The following ALCAM variants were observed in gnomAD, a reference collection of about 807,000 sequenced individuals.
The protein encoded by ALCAM is activated leukocyte cell adhesion molecule.
In ALCAM, 30 loss-of-function variants were observed where a neutral mutation model predicts 70.9. The ratio of observed to expected loss-of-function variants is 0.42; its 90% CI spans 0.32 to 0.57. ALCAM has a LOEUF of 0.57. Among genes scored for constraint, ALCAM ranks in the 20% least tolerant of loss-of-function variants. The probability of loss-of-function intolerance (pLI) is 0.11; values close to 1 mark genes in which losing one functional copy is unlikely to be tolerated. For synonymous variants in ALCAM, 249 were observed against 242.5 expected (o/e 1.03, Z -0.25); for missense variants, 591 against 695.1 (o/e 0.85, Z 1.68).
chr3:105,390,306 G>C (rs935251927), intron 1 of ALCAM, among the ~76,000 whole-genome samples: 1 of 152,062 alleles, frequency 6.6e-6, no homozygotes, highest in Non-Finnish European at 1.5e-5. Flanking sequence ...GGATGAAATG[G>C]TATCTCATTG....
At chr3:105,466,085 T>G (rs901975686) in intron 1 of ALCAM, among the ~76,000 whole-genome samples, 2 of 151,488 alleles carry the variant, frequency 1.3e-5, no homozygotes, top group African/African-American at 4.8e-5. Context: ...TTTTTAAAAT[T>G]TATTGTACCA....
chr3:105,515,797 A>AT (rs1446588519), intron 1 of ALCAM, among the ~76,000 whole-genome samples: 2 of 152,096 alleles, frequency 1.3e-5, no homozygotes, highest in African/African-American at 2.4e-5. Flanking sequence ...ATCCTAATTC[A>AT]TTAGTGAAAC....
chr3:105,572,125 A>G (rs1456369339), intron 15 of ALCAM, among the ~76,000 whole-genome samples, 161 bp downstream of exon 15: 1 of 152,150 alleles, frequency 6.6e-6, no homozygotes, highest in Non-Finnish European at 1.5e-5. Flanking sequence ...TCTCAGATAC[A>G]TGTGCAGAAC....
intron 1 of ALCAM, among the ~76,000 whole-genome samples, chr3:105,448,509 A>G (rs778387213): frequency 2.6e-5 from 4 of 152,040 alleles, no homozygotes; most frequent in Non-Finnish European, 4.4e-5. Context: ...ATTCCAACCT[A>G]GAGCAATGAG....
intron 14 of ALCAM, 81 bp from the exon 15 acceptor site, chr3:105,571,771 A>T: frequency 9.1e-7 from 1 of 1,101,472 alleles, no homozygotes; most frequent in Non-Finnish European, 1.3e-6. Flanking sequence ...TCAAAGACAC[A>T]TTAATTCAAA....
chr3:105,412,175 T>G (rs1187428705), intron 1 of ALCAM, among the ~76,000 whole-genome samples: 2 of 152,098 alleles, frequency 1.3e-5, no homozygotes, highest in Non-Finnish European at 2.9e-5. Flanking sequence ...ATAAAGTAAT[T>G]CTTAAATGTT....
rs546509535 is a variant in ALCAM, at chr3:105,474,662, C to T, written c.74-45405C>T. 3.3e-5 allele frequency among the ~76,000 whole-genome samples: 5 copies of T among 151,620 alleles called. No homozygotes were observed. In the South Asian group the frequency reaches 1.0e-3, roughly 32 times the overall value. ...TTTATTATCATTTTACATTCAAGGG[C>T]AATCTCTTTTTTTTACGTATGAAAG... On this transcript the variant is annotated intron_variant, in intron 1 of 15. Coordinates refer to ENST00000306107, the MANE Select transcript of ALCAM (RefSeq NM_001627.4).
intron 1 of ALCAM, among the ~76,000 whole-genome samples, chr3:105,453,184 T>G (rs1189437947): frequency 6.6e-6 from 1 of 152,226 alleles, no homozygotes; most frequent in African/African-American, 2.4e-5. Context: ...TAGGTTTTCT[T>G]CCAGGGTTAT....
chr3:105,450,878 A>G (rs1438314546), intron 1 of ALCAM, among the ~76,000 whole-genome samples: 1 of 152,168 alleles, frequency 6.6e-6, no homozygotes, highest in East Asian at 1.9e-4. Context: ...AGGTCAAGGT[A>G]TATTTGGAGA....
Position 105,381,284 on chromosome 3 carries a change from A to G in ALCAM, c.73+13803A>G, listed in dbSNP as rs986738335. On this transcript the variant is annotated intron_variant, in intron 1 of 15. Transcript: ENST00000306107. ...ACGATTATACACCCAACTGATTCACATAGATATTATACATAAAGAAGAGAG... is the reference window on the plus strand; with the variant it reads ...ACGATTATACACCCAACTGATTCACGTAGATATTATACATAAAGAAGAGAG... Among the ~76,000 whole-genome samples the G allele has an allele frequency of 9.9e-5, 15 of 152,116 alleles. 1 individual carries two copies. The highest frequency in any genetic ancestry group is 3.9e-4 in the East Asian group (2 of 5,164).
chr3:105,556,171 C>T (rs1157155968), intron 14 of ALCAM, among the ~76,000 whole-genome samples: 2 of 151,860 alleles, frequency 1.3e-5, no homozygotes, highest in South Asian at 2.1e-4. Context: ...TTGCATATCT[C>T]ATAGTACAAG....
intron 1 of ALCAM, among the ~76,000 whole-genome samples, chr3:105,433,703 AC>A (rs1446572175): frequency 1.3e-5 from 2 of 148,806 alleles, no homozygotes; most frequent in Non-Finnish European, 3.0e-5. Flanking sequence ...ATCCCCCAAA[AC>A]ATCACTTATT....
At chr3:105,424,690 AC>A (rs1362078684) in intron 1 of ALCAM, among the ~76,000 whole-genome samples, 12 of 151,844 alleles carry the variant, frequency 7.9e-5, no homozygotes, top group Non-Finnish European at 1.5e-4. Flanking sequence ...TTGGAAGGGG[AC>A]AAGATTAGCA....
At chr3:105,536,170 T>A (rs555913093) in intron 6 of ALCAM, among the ~76,000 whole-genome samples, 3 of 151,754 alleles carry the variant, frequency 2.0e-5, no homozygotes, top group Non-Finnish European at 4.4e-5. Context: ...CTCAGCTTAC[T>A]GCAACCTCCA....
At chr3:105,498,245 G>A (rs1938815234) in intron 1 of ALCAM, among the ~76,000 whole-genome samples, 1 of 152,246 alleles carries the variant, frequency 6.6e-6, no homozygotes, top group South Asian at 2.1e-4. Context: ...AAACCAGGAC[G>A]TTTGAGTTTC....
intron 1 of ALCAM, among the ~76,000 whole-genome samples, chr3:105,507,136 G>T (rs1010682012): frequency 2.6e-5 from 4 of 152,082 alleles, no homozygotes; most frequent in African/African-American, 9.7e-5. Context: ...GGAAAAATTT[G>T]AGTGGAAAGT....
At chr3:105,501,236 A>G (rs1398641048) in intron 1 of ALCAM, among the ~76,000 whole-genome samples, 1 of 152,222 alleles carries the variant, frequency 6.6e-6, no homozygotes, top group East Asian at 1.9e-4. Context: ...ATCATTGTAA[A>G]CAAAGCACAG....
chr3:105,453,839 A>G (rs1937491704), intron 1 of ALCAM, among the ~76,000 whole-genome samples: 1 of 152,100 alleles, frequency 6.6e-6, no homozygotes, highest in South Asian at 2.1e-4. Flanking sequence ...AGAGATTGTG[A>G]ATGGGAGTTC....
At chr3:105,535,632 A>T (rs1024562828) in intron 6 of ALCAM, among the ~76,000 whole-genome samples, 1 of 152,168 alleles carries the variant, frequency 6.6e-6, no homozygotes, top group Non-Finnish European at 1.5e-5. Flanking sequence ...CAAAAATAGC[A>T]TGCTACATCA....
Sources: gnomAD v4.1 joint callset for allele counts (sites outside exome capture counted in the v4.1 genomes callset) on GRCh38, gnomAD v4.1.1 for gene constraint, MANE v1.5 for transcripts, NCBI Gene and HGNC (gene_info 2026-07-23, HGNC 2026-07-21) for gene names.